Variants in CDK8 observed in about 807,000 individuals in gnomAD.
CDK8 encodes cyclin-dependent kinase 8.
A neutral mutation model predicts 71.5 loss-of-function variants in CDK8; 29 were observed. The ratio of observed to expected loss-of-function variants is 0.41; its 90% CI spans 0.30 to 0.55. CDK8 has a LOEUF of 0.55. Ranked by LOEUF, CDK8 falls within the 20% of genes least tolerant of loss-of-function variation. The pLI, the probability that CDK8 is intolerant of heterozygous loss-of-function variation, is 0.37. For missense variants in CDK8, 288 were observed against 572.6 expected (o/e 0.50, Z 5.07); for synonymous variants, 161 against 192.1 (o/e 0.84, Z 1.34).
chr13:26,392,168 C>T (rs956530705), intron 6 of CDK8, among the ~76,000 whole-genome samples: 1 of 152,012 alleles, frequency 6.6e-6, no homozygotes, highest in Admixed American at 6.6e-5. Context: ...TCTAAATTGG[C>T]AAATAGATCT....
At chr13:26,343,252 C>T (rs1873317819) in intron 2 of CDK8, among the ~76,000 whole-genome samples, 1 of 152,152 alleles carries the variant, frequency 6.6e-6, no homozygotes, top group South Asian at 2.1e-4. Context: ...TGTTTGTAGC[C>T]TATTCCTTCT....
chr13:26,370,329 C>G (rs1050765581), intron 4 of CDK8, among the ~76,000 whole-genome samples: 4 of 152,146 alleles, frequency 2.6e-5, no homozygotes, highest in African/African-American at 7.2e-5. Flanking sequence ...TAAGAATGTG[C>G]AGATGATTCC....
At position 26,327,404 on chromosome 13, in the gene CDK8, C is replaced by T. The variant is rs939870740; in HGVS notation, c.129-10163C>T. Among the ~76,000 whole-genome samples the T allele has an allele frequency of 7.2e-5, 11 of 152,128 alleles. No homozygotes were observed. In the East Asian group the frequency reaches 1.5e-3, roughly 21 times the overall value. On this transcript the variant is annotated intron_variant, in intron 1 of 12. Transcript: ENST00000381527. ...CCAGAAAATTTAAGGATGTTTTAGG[C>T]GTAAAATACGTTTTATTAGCTTTGT...
intron 1 of CDK8, among the ~76,000 whole-genome samples, chr13:26,261,178 T>C (rs1307778449): frequency 6.6e-6 from 1 of 152,232 alleles, no homozygotes; most frequent in Non-Finnish European, 1.5e-5. Flanking sequence ...TTCTGAATAT[T>C]CTTTAATATA....
intron 2 of CDK8, among the ~76,000 whole-genome samples, chr13:26,339,752 A>ATATATATAT (rs1555231147): frequency 3.3e-4 from 14 of 41,886 alleles, no homozygotes; most frequent in South Asian, 2.9e-3. Context: ...TTACTTAAAA[A>ATATATATAT]AAAAATATAT....
chr13:26,283,609 A>G (rs1872865240), intron 1 of CDK8, among the ~76,000 whole-genome samples: 1 of 151,586 alleles, frequency 6.6e-6, no homozygotes, highest in Admixed American at 6.6e-5. Flanking sequence ...CTCCGTCTCA[A>G]AAAAAGTAGA....
chr13:26,309,760 T>G (rs969312351), intron 1 of CDK8, among the ~76,000 whole-genome samples: 3 of 152,148 alleles, frequency 2.0e-5, no homozygotes, highest in African/African-American at 7.2e-5. Flanking sequence ...ATGTAAAATT[T>G]ACCATCTTAC....
intron 4 of CDK8, among the ~76,000 whole-genome samples, chr13:26,361,884 C>T (rs1221350137): frequency 2.1e-5 from 3 of 142,040 alleles, no homozygotes; most frequent in Admixed American, 1.6e-4. Flanking sequence ...CCTGCCTCAG[C>T]CTTCCAAAGT....
At chr13:26,383,472 A>G (rs751170372) in intron 5 of CDK8, among the ~76,000 whole-genome samples, 1 of 152,210 alleles carries the variant, frequency 6.6e-6, no homozygotes, top group African/African-American at 2.4e-5. Flanking sequence ...CTGGTCTGAT[A>G]ATCTGTAAGG....
At chr13:26,355,009 T>C (rs1038990724) in intron 4 of CDK8, among the ~76,000 whole-genome samples, 2 of 152,214 alleles carry the variant, frequency 1.3e-5, no homozygotes, top group African/African-American at 2.4e-5. Flanking sequence ...TTGTCTCTAA[T>C]CACCTGTATA....
intron 9 of CDK8, among the ~76,000 whole-genome samples, chr13:26,399,811 C>T (rs1248288946): frequency 2.0e-5 from 3 of 152,212 alleles, no homozygotes; most frequent in Non-Finnish European, 4.4e-5. Context: ...TCCAATGTCA[C>T]GCAGCTAATA....
intron 4 of CDK8, among the ~76,000 whole-genome samples, chr13:26,379,281 C>G (rs1393053276): frequency 6.6e-6 from 1 of 152,144 alleles, no homozygotes; most frequent in East Asian, 1.9e-4. Flanking sequence ...AAGTGAGATG[C>G]TGGTAAGGTG....
chr13:26,312,587 A>G (rs1874337396), intron 1 of CDK8, among the ~76,000 whole-genome samples: 1 of 152,096 alleles, frequency 6.6e-6, no homozygotes, highest in Non-Finnish European at 1.5e-5. Context: ...GAAACTCCAG[A>G]CACATCTGAA....
chr13:26,307,559 A>G (rs1874101104), intron 1 of CDK8, among the ~76,000 whole-genome samples: 1 of 152,214 alleles, frequency 6.6e-6, no homozygotes, highest in Non-Finnish European at 1.5e-5. Context: ...AGTGAGACCT[A>G]TGCTGCACTT....
chr13:26,321,927 A>G (rs1593262554), intron 1 of CDK8, among the ~76,000 whole-genome samples: 4 of 152,300 alleles, frequency 2.6e-5, no homozygotes, highest in African/African-American at 9.6e-5. Context: ...GACATGTAAA[A>G]TAGATATTTT....
At chr13:26,301,190 T>C (rs1593249597) in intron 1 of CDK8, among the ~76,000 whole-genome samples, 1 of 148,766 alleles carries the variant, frequency 6.7e-6, no homozygotes, top group Non-Finnish European at 1.5e-5. Flanking sequence ...TCAGCTTCAA[T>C]AAATCTGCCA....
chr13:26,389,690 CTTTCAA>C (rs1444771866), intron 6 of CDK8, among the ~76,000 whole-genome samples: 1 of 151,972 alleles, frequency 6.6e-6, no homozygotes, highest in Non-Finnish European at 1.5e-5. Context: ...ACACAAACCA[CTTTCAA>C]TTTAAGTTTC....
intron 4 of CDK8, among the ~76,000 whole-genome samples, chr13:26,360,055 A>C (rs551405272): frequency 3.1e-4 from 47 of 152,280 alleles, no homozygotes; most frequent in African/African-American, 1.1e-3. Context: ...AGAACTTCAA[A>C]CTATTTTTTA....
chr13:26,365,801 C>G (rs1209406085), intron 4 of CDK8, among the ~76,000 whole-genome samples: 4 of 152,048 alleles, frequency 2.6e-5, no homozygotes, highest in Admixed American at 2.6e-4. Context: ...TTTTTCATAT[C>G]TCTGCCTGCG....
Sources: allele counts gnomAD v4.1 joint callset (sites outside exome capture counted in the v4.1 genomes callset), GRCh38; gene constraint gnomAD v4.1.1; transcripts MANE v1.5; gene names NCBI Gene and HGNC (gene_info 2026-07-23, HGNC 2026-07-21).